The following LRP1B variants were observed in gnomAD, a reference collection of about 807,000 sequenced individuals.
The protein encoded by LRP1B is LDL receptor related protein 1B.
In LRP1B, 217 loss-of-function variants were observed where a neutral mutation model predicts 556.6. The observed-to-expected ratio is 0.39, with a 90% CI of 0.35 to 0.44. The LOEUF (loss-of-function observed/expected upper bound fraction) is 0.44, where lower values mean the gene tolerates loss of function less well. Ranked by LOEUF, LRP1B falls within the 20% of genes least tolerant of loss-of-function variation. LRP1B has a pLI of 1.00. For synonymous variants in LRP1B, 2,047 were observed against 1,865.8 expected, an observed-to-expected ratio of 1.10 and a Z score of -2.50; for missense variants, 5,053 against 5,620.8, an observed-to-expected ratio of 0.90 and a Z score of 3.23.
intron 77 of LRP1B, among the ~76,000 whole-genome samples, chr2:140,345,118 T>C (rs1681585271): frequency 6.6e-6 from 1 of 151,734 alleles, no homozygotes; most frequent in Non-Finnish European, 1.5e-5. Flanking sequence ...CTATCCATTG[T>C]AGTGTGTTAA....
chr2:140,331,632 CTATAT>C (rs1317865920), intron 79 of LRP1B, among the ~76,000 whole-genome samples: 1 of 150,260 alleles, frequency 6.7e-6, no homozygotes, highest in Non-Finnish European at 1.5e-5. Flanking sequence ...GCTCAGAGGA[CTATAT>C]TATTTCATAT....
At chr2:141,918,222 A>C (rs1183951160) in intron 1 of LRP1B, among the ~76,000 whole-genome samples, 1 of 151,908 alleles carries the variant, frequency 6.6e-6, no homozygotes, top group Non-Finnish European at 1.5e-5. Flanking sequence ...GGGAGGATAA[A>C]TTATAATTAT....
At chr2:141,735,493 C>T (rs945541297) in intron 2 of LRP1B, among the ~76,000 whole-genome samples, 7 of 71,252 alleles carry the variant, frequency 9.8e-5, no homozygotes, top group African/African-American at 2.3e-4. Context: ...GTAAGATCAG[C>T]AGCAAACATG....
At chr2:141,967,017 G>A (rs1027267978) in intron 1 of LRP1B, among the ~76,000 whole-genome samples, 1 of 151,730 alleles carries the variant, frequency 6.6e-6, no homozygotes, top group African/African-American at 2.4e-5. Flanking sequence ...TATTACACTG[G>A]TCTTTTCCTG....
intron 90 of LRP1B, 146 bp downstream of exon 90, chr2:140,234,640 A>G (rs1680615502): frequency 3.4e-6 from 2 of 580,822 alleles, no homozygotes; most frequent in Non-Finnish European, 6.2e-6. Context: ...GACACATAAC[A>G]TAAGCCCCCA....
Position 141,348,916 on chromosome 2 carries a change from C to G in LRP1B, c.344-94275G>C, listed in dbSNP as rs146155137. Among the ~76,000 whole-genome samples the G allele has an allele frequency of 1.8e-3, 272 of 151,988 alleles. 2 individuals are homozygous for G. Among genetic ancestry groups the G allele is most frequent in the Non-Finnish European group, 3.0e-3 (203 of 67,976 alleles). On this transcript the variant is annotated intron_variant, in intron 3 of 90. Transcript: ENST00000389484. ...TGATGATTCTATAAGGGGAAATTTCCCTGCACAAGCTCTCTCTTCACCTGC... is the reference window on the plus strand; with the variant it reads ...TGATGATTCTATAAGGGGAAATTTCGCTGCACAAGCTCTCTCTTCACCTGC...
chr2:141,647,785 T>C (rs1194821990), intron 2 of LRP1B, among the ~76,000 whole-genome samples: 1 of 151,776 alleles, frequency 6.6e-6, no homozygotes, highest in African/African-American at 2.4e-5. Context: ...AGTCTAATAT[T>C]TTTGTTCAGG....
At chr2:140,388,167 C>T (rs1683848881) in intron 66 of LRP1B, among the ~76,000 whole-genome samples, 1 of 152,074 alleles carries the variant, frequency 6.6e-6, no homozygotes. Context: ...GAACTCCTGA[C>T]CTCAGGTGAT....
rs1343878450 is a variant in LRP1B at position 140,700,559 on chromosome 2, A to G, written c.6490T>C (p.Ser2164Pro). 6.2e-7 allele frequency: 1 copy of G among 1,613,540 alleles called. No homozygotes were observed. The highest frequency in any genetic ancestry group is 8.5e-7 in the Non-Finnish European group (1 of 1,179,656). The part of the protein sequence containing the change: ...CKQLCLYRGN[S>P]RRTCACAHGY... Reference sequence around the variant, plus strand: ...TGGGCACAAGCACAAGTTCTCCGGGAATTTCCTCGATAAAGACAGAGTTGC... The same window carrying G: ...TGGGCACAAGCACAAGTTCTCCGGGGATTTCCTCGATAAAGACAGAGTTGC... The change falls in exon 41 of 91, where the codon TCC becomes CCC. Residue 2164 changes from serine to proline, a missense_variant. Coordinates refer to ENST00000389484, the MANE Select transcript of LRP1B (RefSeq NM_018557.3).
chr2:141,677,778 T>C (rs1690944005), intron 2 of LRP1B, among the ~76,000 whole-genome samples: 2 of 152,158 alleles, frequency 1.3e-5, no homozygotes, highest in South Asian at 2.1e-4. Flanking sequence ...CATGAGCCAC[T>C]GCACCTAGCC....
rs545472268 is a variant in LRP1B, at chr2:141,093,717, A to G, written c.1014-31444T>C. 2.9e-4 allele frequency among the ~76,000 whole-genome samples: 44 copies of G among 152,142 alleles called. No homozygotes were observed. In the South Asian group the frequency reaches 8.9e-3, roughly 31 times the overall value. On this transcript the variant is annotated intron_variant, in intron 7 of 90. Transcript: ENST00000389484. ...AATAGATAAATCTGTGACTGAAAAA[A>G]AAAACAACAATTTTTTTTTGACAGA...
chr2:141,197,204 G>T (rs1178302276), intron 6 of LRP1B, among the ~76,000 whole-genome samples: 2 of 152,106 alleles, frequency 1.3e-5, no homozygotes, highest in Non-Finnish European at 2.9e-5. Flanking sequence ...TTGCCTGTCT[G>T]TTGGGGTTGT....
chr2:140,237,115 C>T (rs2104879033), intron 89 of LRP1B, among the ~76,000 whole-genome samples: 1 of 151,032 alleles, frequency 6.6e-6, no homozygotes, highest in Admixed American at 6.6e-5. Flanking sequence ...CACCAAAACC[C>T]ATTCCTCTTA....
intron 12 of LRP1B, among the ~76,000 whole-genome samples, chr2:141,019,708 A>G (rs1010871730): frequency 6.6e-6 from 1 of 152,054 alleles, no homozygotes; most frequent in African/African-American, 2.4e-5. Flanking sequence ...ATCTTTGCGC[A>G]GTAATCTAAT....
intron 3 of LRP1B, among the ~76,000 whole-genome samples, chr2:141,296,255 A>C (rs1686179761): frequency 6.6e-6 from 1 of 152,244 alleles, no homozygotes; most frequent in Non-Finnish European, 1.5e-5. Context: ...AAAAAGCAAA[A>C]GCTATATCAA....
chr2:141,330,002 TAAA>T (rs36022608), intron 3 of LRP1B, among the ~76,000 whole-genome samples: 5 of 150,308 alleles, frequency 3.3e-5, no homozygotes, highest in African/African-American at 4.9e-5. Context: ...CTATTATAGA[TAAA>T]AAAAAAAAGC....
At chr2:141,689,727 GGTT>G (rs1365904955) in intron 2 of LRP1B, among the ~76,000 whole-genome samples, 1 of 151,588 alleles carries the variant, frequency 6.6e-6, no homozygotes. Flanking sequence ...CCTTGATAAA[GGTT>G]GTTTAATTTA....
intron 2 of LRP1B, among the ~76,000 whole-genome samples, chr2:141,560,327 C>T (rs886750453): frequency 2.0e-5 from 3 of 151,702 alleles, no homozygotes; most frequent in African/African-American, 7.2e-5. Flanking sequence ...GGGTGTGATA[C>T]TTTTTAAAAG....
At chr2:140,859,109 C>A (rs981880518) in intron 27 of LRP1B, among the ~76,000 whole-genome samples, 2 of 151,954 alleles carry the variant, frequency 1.3e-5, no homozygotes, top group East Asian at 3.9e-4. Flanking sequence ...TGTCAGCCAT[C>A]GGGACTGGCC....
Sources: allele counts gnomAD v4.1 joint callset (sites outside exome capture counted in the v4.1 genomes callset), GRCh38; gene constraint gnomAD v4.1.1; transcripts MANE v1.5; gene names NCBI Gene and HGNC (gene_info 2026-07-23, HGNC 2026-07-21).